DNAH11: variants seen among roughly 807,000 people sequenced by gnomAD.
DNAH11 encodes axonemal beta dynein heavy chain 11.
A neutral mutation model predicts 526.0 loss-of-function variants in DNAH11; 442 were observed. The observed-to-expected ratio is 0.84, with a 90% confidence interval of 0.78 to 0.91. The LOEUF (loss-of-function observed/expected upper bound fraction) is 0.91. Ranked by LOEUF, DNAH11 falls within the 40% of genes least tolerant of loss-of-function variation. The pLI, the probability that DNAH11 is intolerant of heterozygous loss-of-function variation, is 0.00. For synonymous variants in DNAH11, 2,461 were observed against 1,935.9 expected, an observed-to-expected ratio of 1.27 and a Z score of -7.12; for missense variants, 6,989 against 5,448.7, an observed-to-expected ratio of 1.28 and a Z score of -8.90.
intron 55 of DNAH11, among the ~76,000 whole-genome samples, chr7:21,767,364 T>C (rs1254898731): frequency 1.3e-5 from 2 of 152,142 alleles, no homozygotes; most frequent in Non-Finnish European, 2.9e-5. Context: ...TTTTTACAGT[T>C]TCTTCCCTTT....
intron 61 of DNAH11, among the ~76,000 whole-genome samples, chr7:21,791,018 G>A (rs1251798461): frequency 3.9e-5 from 6 of 152,224 alleles, no homozygotes; most frequent in African/African-American, 1.4e-4. Flanking sequence ...CGTGAATCCT[G>A]TTATGGCCTC....
rs34356379 is a variant in DNAH11 at position 21,612,554 on chromosome 7, C to CAAAAAAAAAA, written c.3853-2547_3853-2538dup. On this transcript the variant is annotated intron_variant, in intron 20 of 81. Coordinates refer to ENST00000409508, the MANE Select transcript of DNAH11 (RefSeq NM_001277115.2). Reference sequence around the variant, plus strand: ...TGGGCGACAGAGTGAGGCTCCGTCTCAAAAAAAAAAAAAAAAAAAAAAGAG... The same window carrying CAAAAAAAAAA: ...TGGGCGACAGAGTGAGGCTCCGTCTCAAAAAAAAAAAAAAAAAAAAAAAAAAAAAAAAGAG... Among the ~76,000 whole-genome samples the CAAAAAAAAAA allele has an allele frequency of 1.6e-3, 133 of 81,204 alleles. 4 individuals are homozygous for CAAAAAAAAAA. Among genetic ancestry groups the CAAAAAAAAAA allele is most frequent in the African/African-American group, 6.5e-3 (124 of 19,198 alleles). 53.3% of individuals were successfully genotyped at this position (81,204 alleles called of 152,430 possible). A position where few individuals can be genotyped will look rare whatever the true frequency, so the allele number is the denominator to read the frequency against.
At chr7:21,549,756 C>A (rs7806495) in intron 2 of DNAH11, among the ~76,000 whole-genome samples, 101,021 of 152,098 alleles carry the variant, frequency 0.66, 35,413 homozygotes, top group East Asian at 0.95. Context: ...TCCAACCCTG[C>A]AATTGGGTAG....
intron 60 of DNAH11, among the ~76,000 whole-genome samples, chr7:21,788,717 G>C (rs952566553): frequency 2.1e-4 from 32 of 152,098 alleles, no homozygotes; most frequent in African/African-American, 7.7e-4. Flanking sequence ...TCCTTTCTGT[G>C]TTGAGAATTT....
chr7:21,548,005 T>C (rs1485495234), intron 2 of DNAH11, among the ~76,000 whole-genome samples: 1 of 152,214 alleles, frequency 6.6e-6, no homozygotes, highest in African/African-American at 2.4e-5. Flanking sequence ...CGACATCCCA[T>C]TGCTGTTAAG....
At chr7:21,874,714 A>G (rs1209343683) in intron 74 of DNAH11, among the ~76,000 whole-genome samples, 3 of 151,908 alleles carry the variant, frequency 2.0e-5, no homozygotes, top group Admixed American at 1.3e-4. Context: ...TATGATATAT[A>G]TATGATACCT....
intron 76 of DNAH11, among the ~76,000 whole-genome samples, chr7:21,887,899 G>C (rs1784183785): frequency 6.6e-6 from 1 of 152,042 alleles, no homozygotes; most frequent in Admixed American, 6.6e-5. Flanking sequence ...ATTTAAACTC[G>C]TAATCAGACT....
intron 54 of DNAH11, among the ~76,000 whole-genome samples, chr7:21,750,815 A>G (rs1025484508): frequency 1.3e-5 from 2 of 152,148 alleles, no homozygotes. Context: ...GCATTTATAT[A>G]AAGGTCAACT....
intron 65 of DNAH11, among the ~76,000 whole-genome samples, chr7:21,828,460 T>C (rs1583745442): frequency 6.6e-6 from 1 of 152,348 alleles, no homozygotes; most frequent in Admixed American, 6.5e-5. Flanking sequence ...AAGTTTTTTT[T>C]CCCTTAATAG....
At chr7:21,790,336 G>C (rs1788425987) in intron 61 of DNAH11, among the ~76,000 whole-genome samples, 1 of 152,054 alleles carries the variant, frequency 6.6e-6, no homozygotes, top group East Asian at 1.9e-4. Flanking sequence ...TGTAGTCCCA[G>C]CTACTCAGGA....
At chr7:21,639,391 G>A (rs538829458) in intron 28 of DNAH11, among the ~76,000 whole-genome samples, 7 of 152,172 alleles carry the variant, frequency 4.6e-5, no homozygotes, top group Non-Finnish European at 1.0e-4. Context: ...CTGGTTAGCA[G>A]CTTTCCTAGG....
In DNAH11 at chr7:21,788,579, C is replaced by T. The variant is rs550255656; in HGVS notation, c.9925-662C>T. Among the ~76,000 whole-genome samples the T allele has an allele frequency of 3.3e-5, 5 of 152,204 alleles. No individual in the cohort carries two copies. In the East Asian group the frequency reaches 9.7e-4, roughly 30 times the overall value. On this transcript the variant is annotated intron_variant, in intron 60 of 81. Transcript: ENST00000409508. ...ATTTAATTTCCTTCCTCTCTCCCCACCAGCAGAAAAAAAATTGATCCACCT... is the reference window on the plus strand; with the variant it reads ...ATTTAATTTCCTTCCTCTCTCCCCATCAGCAGAAAAAAAATTGATCCACCT...
At chr7:21,837,308 C>T (rs1426401249) in intron 65 of DNAH11, among the ~76,000 whole-genome samples, 3 of 152,128 alleles carry the variant, frequency 2.0e-5, no homozygotes, top group Non-Finnish European at 4.4e-5. Flanking sequence ...GCATTGTTCA[C>T]ATTAGCCAAG....
chr7:21,595,233 T>G (rs1383923769), intron 14 of DNAH11, among the ~76,000 whole-genome samples: 1 of 152,212 alleles, frequency 6.6e-6, no homozygotes, highest in Admixed American at 6.5e-5. Context: ...TGGGCCTGTT[T>G]CATATAGGCA....
At chr7:21,891,753 G>A (rs1025628407) in intron 76 of DNAH11, among the ~76,000 whole-genome samples, 2 of 152,062 alleles carry the variant, frequency 1.3e-5, no homozygotes, top group Non-Finnish European at 2.9e-5. Context: ...CAGGGTCTGT[G>A]GATCCTAAAC....
Position 21,581,909 on chromosome 7 carries a change from TTGAAAG to T in DNAH11, c.1602_1607del (p.Glu534_Ser535del). 2 of 1,598,702 alleles carry T rather than the reference TTGAAAG, an allele frequency of 1.3e-6. No homozygotes were observed. The highest frequency in any genetic ancestry group is 1.7e-6 in the Non-Finnish European group (2 of 1,169,944). On this transcript the variant is annotated inframe_deletion, in exon 9 of 82. Coordinates refer to ENST00000409508, the MANE Select transcript of DNAH11 (RefSeq NM_001277115.2). ...ATTTCACTTTGAATTTTACAGGAGTTTGAAAGTGATTATGTGGCATTTAAGTCCAAA... is the reference window on the plus strand; with the variant it reads ...ATTTCACTTTGAATTTTACAGGAGTTTGATTATGTGGCATTTAAGTCCAAA...
intron 17 of DNAH11, 104 bp downstream of exon 17, chr7:21,601,283 A>G (rs1436353011): frequency 2.1e-6 from 3 of 1,444,142 alleles, no homozygotes; most frequent in African/African-American, 1.4e-5. Context: ...CATGATAGAG[A>G]TAAATGTTTA....
intron 57 of DNAH11, among the ~76,000 whole-genome samples, chr7:21,780,322 A>T (rs1583687271): frequency 6.6e-6 from 1 of 152,122 alleles, no homozygotes; most frequent in African/African-American, 2.4e-5. Context: ...AGGCAGGAGG[A>T]TAGCTTCAGC....
intron 68 of DNAH11, among the ~76,000 whole-genome samples, chr7:21,859,741 A>G (rs1782984853): frequency 1.3e-5 from 2 of 152,060 alleles, no homozygotes; most frequent in South Asian, 4.2e-4. Flanking sequence ...TCAAATTTAT[A>G]TTTATATAGA....
Sources: gnomAD v4.1 joint callset for allele counts (sites outside exome capture counted in the v4.1 genomes callset) on GRCh38, gnomAD v4.1.1 for gene constraint, MANE v1.5 for transcripts, NCBI Gene and HGNC (gene_info 2026-07-23, HGNC 2026-07-21) for gene names.